The following TG variants were observed in gnomAD, a reference collection of about 807,000 sequenced individuals.
TG encodes thyroid hormones.
TG carries 270 observed loss-of-function variants against 324.7 expected under a neutral mutation model. The observed-to-expected ratio is 0.83, with a 90% CI of 0.75 to 0.92. The LOEUF is 0.92. Ranked by LOEUF, TG falls within the 40% of genes least tolerant of loss-of-function variation. The probability of loss-of-function intolerance (pLI) is 0.00; values close to 1 mark genes in which losing one functional copy is unlikely to be tolerated. For synonymous variants in TG, 1,401 were observed against 1,327.0 expected (o/e 1.06, Z -1.21); for missense variants, 3,591 against 3,456.4 (o/e 1.04, Z -0.98).
At chr8:133,133,436 C>T in intron 46 of TG, 34 bp from the exon 47 acceptor site, 5 of 1,603,382 alleles carry the variant, frequency 3.1e-6, no homozygotes, top group Non-Finnish European at 4.3e-6. Flanking sequence ...GACAAATTTC[C>T]CTCATGGATA....
At chr8:132,869,969 T>C in intron 3 of TG, 143 bp downstream of exon 3, 1 of 687,630 alleles carries the variant, frequency 1.5e-6, no homozygotes. Context: ...GAATCATCCC[T>C]GCAAGCCATG....
At chr8:132,939,163 C>G (rs1395261875) in intron 25 of TG, among the ~76,000 whole-genome samples, 3 of 152,054 alleles carry the variant, frequency 2.0e-5, no homozygotes, top group Admixed American at 2.0e-4. Context: ...GCAGCACCGT[C>G]CAATGGAACC....
intron 43 of TG, among the ~76,000 whole-genome samples, chr8:133,104,716 G>A (rs1156363254): frequency 6.6e-6 from 1 of 152,158 alleles, no homozygotes; most frequent in African/African-American, 2.4e-5. Flanking sequence ...CCTTGATGAG[G>A]GCCATTTCAG....
At chr8:132,956,788 G>A (rs1203839738) in intron 27 of TG, among the ~76,000 whole-genome samples, 2 of 152,128 alleles carry the variant, frequency 1.3e-5, no homozygotes, top group African/African-American at 4.8e-5. Context: ...GGGATGGGAA[G>A]GGGCCAAGGT....
rs148004631 is a variant in TG at position 133,013,756 on chromosome 8, G to A, written c.6554G>A (p.Arg2185Gln). 4.5e-5 allele frequency: 73 copies of A among 1,610,298 alleles called. No individual in the cohort carries two copies. Among genetic ancestry groups the A allele is most frequent in the Non-Finnish European group, 5.5e-5 (65 of 1,179,906 alleles). The stretch of plus-strand genomic sequence containing the variant: ...CGTGAAGAGGCCACCCACATCTACC[G>A]GAAGCCAGGTAAGCCCAAGCCTATG... ...LLREEATHIY[R>Q]KPGISLLSYE... The change falls in exon 37 of 48, where the codon CGG becomes CAG. Residue 2185 changes from arginine (R) to glutamine (Q), a missense_variant. Physicochemically the swap from Arg to Gln is conservative, Grantham distance 43 (BLOSUM62 1). Transcript: ENST00000220616.
chr8:133,110,423 GCA>G (rs1188594186), intron 43 of TG, among the ~76,000 whole-genome samples: 6 of 152,168 alleles, frequency 3.9e-5, no homozygotes, highest in Admixed American at 3.3e-4. Context: ...ATATTTTCTT[GCA>G]CAGTTTTTCA....
At chr8:132,905,343 G>A (rs2068128) in intron 16 of TG, among the ~76,000 whole-genome samples, 74,220 of 151,994 alleles carry the variant, frequency 0.49, 20,463 homozygotes, top group Non-Finnish European at 0.61. Context: ...ACAACTCAAG[G>A]AGCCTACTGC....
intron 41 of TG, among the ~76,000 whole-genome samples, chr8:133,065,787 A>AAAATG (rs1179316297): frequency 6.6e-6 from 1 of 152,048 alleles, no homozygotes; most frequent in Non-Finnish European, 1.5e-5. Context: ...AAAATAAAAT[A>AAAATG]AAATAAAATA....
intron 10 of TG, among the ~76,000 whole-genome samples, chr8:132,891,426 G>A (rs1011470932): frequency 8.6e-5 from 13 of 152,042 alleles, no homozygotes; most frequent in African/African-American, 2.2e-4. Context: ...CCTCAACCTC[G>A]CAGGCTCAAG....
At chr8:133,044,609 A>G (rs975840366) in intron 41 of TG, among the ~76,000 whole-genome samples, 8 of 152,128 alleles carry the variant, frequency 5.3e-5, no homozygotes, top group South Asian at 2.1e-4. Context: ...TTGAAGGCCA[A>G]TGAGGATTCT....
rs116723711 is a variant in TG at position 133,029,867 on chromosome 8, G to A, written c.7083G>A (p.Ala2361=). ...SGNWGLLDQV[A]ALTWVQTHIR... ...ACTGGGGGCTGCTGGACCAGGTGGC[G>A]GCTCTGACCTGGGTGCAGACCCACA... The change falls in exon 41 of 48, where the codon GCG becomes GCA. Residue 2361 remains alanine (A), a synonymous_variant. Transcript: ENST00000220616. 1.8e-5 allele frequency: 29 copies of A among 1,614,102 alleles called. No homozygotes were observed. Among genetic ancestry groups the A allele is most frequent in the Admixed American group, 3.3e-5 (2 of 60,014 alleles).
chr8:133,007,821 G>A (rs997563771), intron 35 of TG, among the ~76,000 whole-genome samples: 4 of 148,872 alleles, frequency 2.7e-5, no homozygotes, highest in Admixed American at 6.7e-5. Context: ...CTGGAGTGTT[G>A]AGGCAGAGAA....
chr8:132,988,091 C>G (rs1831814387), intron 35 of TG, among the ~76,000 whole-genome samples: 1 of 151,658 alleles, frequency 6.6e-6, no homozygotes, highest in African/African-American at 2.4e-5. Flanking sequence ...CACACACACA[C>G]ACACACACAC....
intron 43 of TG, among the ~76,000 whole-genome samples, chr8:133,104,874 A>T (rs898909626): frequency 1.3e-5 from 2 of 152,184 alleles, no homozygotes; most frequent in Non-Finnish European, 2.9e-5. Context: ...TTCACAGAGC[A>T]CTTTGCTCAT....
intron 41 of TG, among the ~76,000 whole-genome samples, chr8:133,072,631 C>G (rs998962313): frequency 1.3e-5 from 2 of 152,184 alleles, no homozygotes; most frequent in Non-Finnish European, 2.9e-5. Flanking sequence ...CAAATAAAAA[C>G]ATAAAACCCA....
At chr8:132,955,464 G>A (rs925362465) in intron 27 of TG, among the ~76,000 whole-genome samples, 33 of 152,130 alleles carry the variant, frequency 2.2e-4, no homozygotes, top group Admixed American at 1.9e-3. Flanking sequence ...TCACAGACCC[G>A]TTTTGAATCA....
At chr8:133,125,429 A>C (rs1470555603) in intron 45 of TG, among the ~76,000 whole-genome samples, 1 of 152,236 alleles carries the variant, frequency 6.6e-6, no homozygotes, top group Non-Finnish European at 1.5e-5. Context: ...TCCCAAAAGA[A>C]AGATCATCAA....
intron 45 of TG, among the ~76,000 whole-genome samples, chr8:133,119,053 G>C (rs539534245): frequency 6.6e-6 from 1 of 152,342 alleles, no homozygotes; most frequent in Non-Finnish European, 1.5e-5. Flanking sequence ...AGAGCACGGG[G>C]AGGGAGTGTG....
chr8:132,987,244 A>G (rs1424740562), intron 35 of TG, among the ~76,000 whole-genome samples: 1 of 152,206 alleles, frequency 6.6e-6, no homozygotes, highest in Non-Finnish European at 1.5e-5. Context: ...TAAAATTCCC[A>G]AATTAGAACT....
Sources: gnomAD v4.1 joint callset for allele counts (sites outside exome capture counted in the v4.1 genomes callset) on GRCh38, gnomAD v4.1.1 for gene constraint, MANE v1.5 for transcripts, NCBI Gene and HGNC (gene_info 2026-07-23, HGNC 2026-07-21) for gene names.